The following GRK3 variants were observed in gnomAD, a reference collection of about 807,000 sequenced individuals.
GRK3 encodes G protein-coupled receptor kinase 3, also known as adrenergic, beta, receptor kinase 2.
In GRK3, 54 loss-of-function variants were observed where a neutral mutation model predicts 95.7. That is an observed-to-expected ratio of 0.56 (90% CI 0.45 to 0.71). GRK3 has a LOEUF of 0.71. GRK3 is among the 30% of genes least tolerant of loss of function. The pLI, the probability that GRK3 is intolerant of heterozygous loss-of-function variation, is 0.00. For synonymous variants in GRK3, 281 were observed against 290.8 expected, an observed-to-expected ratio of 0.97 and a Z score of 0.34; for missense variants, 649 against 851.2, an observed-to-expected ratio of 0.76 and a Z score of 2.96.
intron 8 of GRK3, among the ~76,000 whole-genome samples, 180 bp from the exon 9 acceptor site, chr22:25,678,636 T>C (rs956040219): frequency 6.6e-6 from 1 of 152,264 alleles, no homozygotes. Flanking sequence ...AAGTATTGCT[T>C]GATTTTGTTT....
intron 3 of GRK3, among the ~76,000 whole-genome samples, chr22:25,653,891 G>A (rs2084851746): frequency 6.6e-6 from 1 of 152,106 alleles, no homozygotes; most frequent in Admixed American, 6.5e-5. Context: ...GTTTCACCAT[G>A]TTGGCCAGCC....
intron 18 of GRK3, among the ~76,000 whole-genome samples, chr22:25,716,758 C>T (rs1451988347): frequency 6.6e-6 from 1 of 152,172 alleles, no homozygotes; most frequent in Admixed American, 6.5e-5. Flanking sequence ...AAATAAAAGC[C>T]ATACAGCAGG....
chr22:25,699,186 A>G (rs575817565), intron 13 of GRK3, among the ~76,000 whole-genome samples: 1 of 152,240 alleles, frequency 6.6e-6, no homozygotes, highest in East Asian at 1.9e-4. Context: ...ACAAAGTTGC[A>G]TGTGGGAGAA....
chr22:25,595,514 AAAAATAC>A (rs2146332044), intron 1 of GRK3, among the ~76,000 whole-genome samples: 1 of 152,374 alleles, frequency 6.6e-6, no homozygotes, highest in South Asian at 2.1e-4. Context: ...GCAAGATATT[AAAAATAC>A]AAATAGGGAC....
chr22:25,632,570 GT>G (rs2084671408), intron 2 of GRK3, among the ~76,000 whole-genome samples: 1 of 152,142 alleles, frequency 6.6e-6, no homozygotes, highest in Non-Finnish European at 1.5e-5. Flanking sequence ...TATAGATCTT[GT>G]TGGATCTTGG....
At chr22:25,700,511 A>G (rs918802259) in intron 13 of GRK3, among the ~76,000 whole-genome samples, 1 of 152,360 alleles carries the variant, frequency 6.6e-6, no homozygotes, top group South Asian at 2.1e-4. Flanking sequence ...GGGAAAAAGG[A>G]AAGTTTATAA....
At chr22:25,668,670 G>C (rs973907439) in intron 6 of GRK3, among the ~76,000 whole-genome samples, 1 of 152,276 alleles carries the variant, frequency 6.6e-6, no homozygotes, top group South Asian at 2.1e-4. Context: ...GCCAAAAAGC[G>C]CCAGCATCAA....
chr22:25,644,689 T>C (rs779876528), intron 3 of GRK3, 24 bp downstream of exon 3: 26 of 1,244,164 alleles, frequency 2.1e-5, no homozygotes, highest in Non-Finnish European at 3.0e-5. Context: ...GTTTTACTGA[T>C]GCTTTTCTTT....
intron 16 of GRK3, among the ~76,000 whole-genome samples, chr22:25,710,743 C>T (rs887994518): frequency 6.6e-6 from 1 of 152,288 alleles, no homozygotes; most frequent in South Asian, 2.1e-4. Context: ...GGTGGTGTTG[C>T]GTCCTCTCAG....
In GRK3 at chr22:25,632,558, CTT is replaced by C. The variant is rs943966095; in HGVS notation, c.191-12033_191-12032del. Reference sequence around the variant, plus strand: ...GAAATTGAATTTGCCAGTTTTCACTCTTATAGATCTTGTTGGATCTTGGTGAC... The same window carrying C: ...GAAATTGAATTTGCCAGTTTTCACTCATAGATCTTGTTGGATCTTGGTGAC... On this transcript the variant is annotated intron_variant, in intron 2 of 20. Transcript: ENST00000324198. 7.2e-5 allele frequency among the ~76,000 whole-genome samples: 11 copies of C among 152,154 alleles called. No homozygotes were observed. In the East Asian group the frequency reaches 7.7e-4, roughly 11 times the overall value.
chr22:25,615,112 A>G (rs1395079588), intron 2 of GRK3, among the ~76,000 whole-genome samples: 1 of 152,184 alleles, frequency 6.6e-6, no homozygotes, highest in Non-Finnish European at 1.5e-5. Context: ...AAACGTGGGG[A>G]AGTTATTCTC....
intron 1 of GRK3, among the ~76,000 whole-genome samples, chr22:25,585,423 CTATT>C (rs1392342075): frequency 1.3e-5 from 2 of 152,134 alleles, no homozygotes; most frequent in African/African-American, 2.4e-5. Flanking sequence ...TTAATTAAAA[CTATT>C]TATTATCAAT....
intron 4 of GRK3, among the ~76,000 whole-genome samples, chr22:25,662,969 A>G (rs1455910592): frequency 2.0e-5 from 3 of 152,076 alleles, no homozygotes; most frequent in African/African-American, 7.2e-5. Flanking sequence ...TTCCTTAACT[A>G]GAGCCTTTTA....
chr22:25,581,974 T>G (rs1308408643), intron 1 of GRK3, among the ~76,000 whole-genome samples: 1 of 152,192 alleles, frequency 6.6e-6, no homozygotes, highest in Admixed American at 6.5e-5. Flanking sequence ...TTCAGAATAA[T>G]CATTTTAAAA....
chr22:25,701,401 A>C (rs988236125), intron 13 of GRK3, among the ~76,000 whole-genome samples: 2 of 152,262 alleles, frequency 1.3e-5, no homozygotes, highest in African/African-American at 4.8e-5. Flanking sequence ...TCAAGATTTC[A>C]ACTTGAAAGA....
intron 7 of GRK3, among the ~76,000 whole-genome samples, chr22:25,673,053 T>C (rs1286373707): frequency 1.3e-5 from 2 of 150,620 alleles, no homozygotes; most frequent in African/African-American, 4.9e-5. Context: ...TGAATGGTAT[T>C]GTTGGAAGAG....
At chr22:25,637,008 A>G (rs1483805349) in intron 2 of GRK3, among the ~76,000 whole-genome samples, 5 of 152,228 alleles carry the variant, frequency 3.3e-5, no homozygotes, top group Non-Finnish European at 7.3e-5. Context: ...ATCCACCATC[A>G]GGGATATGGG....
chr22:25,647,182 T>TGGGGCCCCCCCC, intron 3 of GRK3: 1 of 123,988 alleles, frequency 8.1e-6, no homozygotes. Flanking sequence ...GGGCCTCACC[T>TGGGGCCCCCCCC]CCACCCACCG....
intron 13 of GRK3, among the ~76,000 whole-genome samples, chr22:25,701,587 G>A (rs1310515975): frequency 6.6e-6 from 1 of 152,166 alleles, no homozygotes; most frequent in Non-Finnish European, 1.5e-5. Context: ...CCCCTCGCAA[G>A]CCTCCCTGTG....
Sources: allele counts gnomAD v4.1 joint callset (sites outside exome capture counted in the v4.1 genomes callset), GRCh38; gene constraint gnomAD v4.1.1; transcripts MANE v1.5; gene names NCBI Gene and HGNC (gene_info 2026-07-23, HGNC 2026-07-21).